LSS: variants seen among roughly 807,000 people sequenced by gnomAD.
LSS encodes 2,3-epoxysqualene-lanosterol cyclase.
In LSS, 90 loss-of-function variants were observed where a neutral mutation model predicts 110.3. The observed-to-expected ratio is 0.82, with a 90% CI of 0.69 to 0.97. The LOEUF (loss-of-function observed/expected upper bound fraction) is 0.97, where lower values mean the gene tolerates loss of function less well. Among genes scored for constraint, LSS ranks in the 50% least tolerant of loss-of-function variants. The pLI, the probability that LSS is intolerant of heterozygous loss-of-function variation, is 0.00. For synonymous variants in LSS, 433 were observed against 400.0 expected, an observed-to-expected ratio of 1.08 and a Z score of -0.98; for missense variants, 927 against 990.0, an observed-to-expected ratio of 0.94 and a Z score of 0.85.
intron 4 of LSS, 156 bp from the exon 5 acceptor site, chr21:46,222,131 C>T (rs1002040082): frequency 1.5e-5 from 11 of 726,308 alleles, no homozygotes; most frequent in Non-Finnish European, 2.5e-5. Flanking sequence ...AGCAGCCACT[C>T]TGCAGTACGA....
intron 11 of LSS, among the ~76,000 whole-genome samples, chr21:46,212,362 G>A (rs2839148): frequency 0.11 from 17,066 of 152,226 alleles, 1,116 homozygotes; most frequent in African/African-American, 0.19. Flanking sequence ...GACAGGCACC[G>A]CAGGGCGTAA....
rs747663109 is a variant in LSS at position 46,195,754 on chromosome 21, G to A, written c.1739C>T (p.Ser580Phe). 1.2e-6 allele frequency: 2 copies of A among 1,613,464 alleles called. No homozygotes were observed. The highest frequency in any genetic ancestry group is 1.7e-5 in the Admixed American group (1 of 60,018). The change falls in exon 19 of 22, where the codon TCC becomes TTC. Residue 580 changes from serine (S) to phenylalanine (F), a missense_variant and splice_region_variant. Ser to Phe is a radical substitution (Grantham distance 155, BLOSUM62 -2). Coordinates refer to ENST00000397728, the MANE Select transcript of LSS (RefSeq NM_002340.6). ...QQRADGSWEG[S>F]WGVCFTYGTW... Reference sequence around the variant, plus strand: ...GCCGTAGGTGAAGCAAACTCCCCAGGAGCTGGAGGGAAACAGGGAGAGCCT... The same window carrying A: ...GCCGTAGGTGAAGCAAACTCCCCAGAAGCTGGAGGGAAACAGGGAGAGCCT...
intron 17 of LSS, among the ~76,000 whole-genome samples, chr21:46,202,120 C>A (rs964992205): frequency 7.4e-6 from 1 of 135,952 alleles, no homozygotes; most frequent in African/African-American, 2.6e-5. Context: ...ATAGGCCGGG[C>A]GCGGTGGCTC....
rs754639504 is a variant in LSS, at chr21:46,216,453, A to G, written c.719T>C (p.Met240Thr). The stretch of plus-strand genomic sequence containing the variant: ...CAGCCGAACGGCGTAGCAGTAGCTC[A>G]TGGGCAGGTACACCTGCCGGCAGTG... ...WCHCRQVYLP[M>T]SYCYAVRLSA... is the part of the protein sequence containing the mutation. Residue 240 changes from methionine to threonine, a missense_variant, in exon 7 of 22, where the codon ATG becomes ACG. Transcript: ENST00000397728. The surrounding 1 kb of genome is among the most constrained non-coding windows in gnomAD (Gnocchi z 4.2). 3.1e-6 allele frequency: 5 copies of G among 1,613,642 alleles called. No individual in the cohort carries two copies. Among genetic ancestry groups the G allele is most frequent in the East Asian group, 2.2e-5 (1 of 44,874 alleles).
intron 2 of LSS, among the ~76,000 whole-genome samples, chr21:46,227,971 G>T (rs2080371590): frequency 6.6e-6 from 1 of 152,208 alleles, no homozygotes; most frequent in African/African-American, 2.4e-5. Context: ...ACTGTAGGGT[G>T]GGGCACGGGT....
chr21:46,222,396 T>C (rs1178940005), intron 4 of LSS: 1 of 572,792 alleles, frequency 1.7e-6, no homozygotes, highest in East Asian at 2.9e-5. Flanking sequence ...CACATGTGGG[T>C]CTCAAGAGTG....
At chr21:46,204,133 A>AAAT (rs1415550628) in intron 17 of LSS, among the ~76,000 whole-genome samples, 3 of 152,096 alleles carry the variant, frequency 2.0e-5, no homozygotes, top group African/African-American at 7.2e-5. Flanking sequence ...TCTCTAATAA[A>AAAT]AATACCAAAA....
intron 3 of LSS, chr21:46,224,908 G>A (rs928578528): frequency 3.3e-5 from 5 of 151,910 alleles, no homozygotes; most frequent in African/African-American, 1.2e-4. Context: ...ACGAGGTCAG[G>A]AGTTCGAGAC....
In LSS at chr21:46,195,760, G is replaced by C; in HGVS notation, c.1737-4C>G. The C allele has an allele frequency of 1.2e-6, 2 of 1,613,140 alleles. No individual in the cohort carries two copies. ...GGTGAAGCAAACTCCCCAGGAGCTG[G>C]AGGGAAACAGGGAGAGCCTCAGCCC... On this transcript the variant is annotated splice_polypyrimidine_tract_variant and splice_region_variant and intron_variant, in intron 18 of 21. Transcript: ENST00000397728.
At chr21:46,210,864 C>A in intron 11 of LSS, 120 bp from the exon 12 acceptor site, 3 of 892,064 alleles carry the variant, frequency 3.4e-6, no homozygotes, top group East Asian at 5.2e-5. Context: ...AGCCAACGCT[C>A]AGCCTCAGGC....
At chr21:46,227,371 G>T (rs539282989) in intron 3 of LSS, 181 bp downstream of exon 3, 17 of 681,604 alleles carry the variant, frequency 2.5e-5, no homozygotes, top group South Asian at 6.3e-5. Context: ...CACTGGCAAG[G>T]CTAGCTGATC....
intron 20 of LSS, chr21:46,193,000 G>A (rs2079847481): frequency 2.3e-6 from 1 of 441,144 alleles, no homozygotes; most frequent in African/African-American, 2.3e-5. Flanking sequence ...GTGTACACAG[G>A]TGCCTGTGCA....
Position 46,221,703 on chromosome 21 carries a change from T to C in LSS, c.550+151A>G, listed in dbSNP as rs1479709012. 1.9e-5 allele frequency: 22 copies of C among 1,143,450 alleles called. No individual in the cohort carries two copies. In the East Asian group the frequency reaches 4.9e-4, roughly 25 times the overall value. The allele number at this position is 1,143,450 out of a possible 1,614,324, so 70.8% of individuals were successfully genotyped here. A position where few individuals can be genotyped will look rare whatever the true frequency, so the allele number is the denominator to read the frequency against. On this transcript the variant is annotated intron_variant, in intron 5 of 21. Transcript: ENST00000397728. ...AAAAAATGATGCCTAGGTTAAACAG[T>C]GTCTGCCTACTTCTGCTTTGACAAA... is the stretch of plus-strand genomic sequence containing the variant.
At position 46,215,191 on chromosome 21, in the gene LSS, T is replaced by C; in HGVS notation, c.1000A>G (p.Ser334Gly). ...GCAGGGGCACTGACCGGGCCGATGCTGATGCTCTTGGTGAATCGGTCGTCG... is the reference window on the plus strand; with the variant it reads ...GCAGGGGCACTGACCGGGCCGATGCCGATGCTCTTGGTGAATCGGTCGTCG... The part of the protein sequence containing the change: ...VADDRFTKSI[S>G]IGPISKTINM... Residue 334 changes from serine (S) to glycine (G), a missense_variant, in exon 9 of 22, where the codon AGC becomes GGC. By Grantham distance (56) the Ser-to-Gly change is moderately conservative. Transcript: ENST00000397728. The C allele has an allele frequency of 1.9e-6, 3 of 1,610,300 alleles. No individual in the cohort carries two copies. The highest frequency in any genetic ancestry group is 2.2e-5 in the East Asian group (1 of 44,862).
chr21:46,201,579 G>A (rs910592838), intron 17 of LSS, among the ~76,000 whole-genome samples: 14 of 151,866 alleles, frequency 9.2e-5, no homozygotes, highest in Non-Finnish European at 1.9e-4. Flanking sequence ...TCATGTGGGA[G>A]GACAGGTCAT....
intron 3 of LSS, among the ~76,000 whole-genome samples, chr21:46,223,602 TAG>T (rs2080303297): frequency 6.6e-6 from 1 of 152,218 alleles, no homozygotes; most frequent in South Asian, 2.1e-4. Flanking sequence ...ATACCAGATA[TAG>T]ATCTTAGAGA....
At chr21:46,213,679 C>T (rs1188611201) in intron 10 of LSS, 59 bp downstream of exon 10, 1 of 1,482,274 alleles carries the variant, frequency 6.7e-7, no homozygotes, top group Non-Finnish European at 9.3e-7. Flanking sequence ...TGGGATGCAG[C>T]TGGGGCTCAG....
intron 4 of LSS, 72 bp from the exon 5 acceptor site, chr21:46,222,047 T>C (rs1569036272): frequency 6.4e-7 from 1 of 1,560,112 alleles, no homozygotes; most frequent in Non-Finnish European, 8.8e-7. Context: ...AAACTTTCTG[T>C]GGAGTTTCCT....
chr21:46,215,386 C>CA, intron 8 of LSS, 88 bp from the exon 9 acceptor site: 1 of 766,756 alleles, frequency 1.3e-6, no homozygotes, highest in Admixed American at 3.0e-5. Context: ...TGGACTTGCC[C>CA]TTCCCAGGGT....
Sources: gnomAD v4.1 joint callset for allele counts (sites outside exome capture counted in the v4.1 genomes callset) on GRCh38, gnomAD v4.1.1 for gene constraint, Gnocchi (gnomAD v3.1) non-coding constraint, MANE v1.5 for transcripts, NCBI Gene and HGNC (gene_info 2026-07-23, HGNC 2026-07-21) for gene names.